The following NAV2 variants were observed in gnomAD, a reference collection of about 807,000 sequenced individuals.
NAV2 encodes neuron navigator 2.
NAV2 carries 54 observed loss-of-function variants against 223.2 expected under a neutral mutation model. The observed-to-expected ratio is 0.24, with a 90% CI of 0.19 to 0.30. The LOEUF (loss-of-function observed/expected upper bound fraction) is 0.30, where lower values mean the gene tolerates loss of function less well. Among genes scored for constraint, NAV2 ranks in the 10% least tolerant of loss-of-function variants. NAV2 has a pLI of 1.00. For missense variants in NAV2, 2,806 were observed against 3,147.5 expected, an observed-to-expected ratio of 0.89 and a Z score of 2.60; for synonymous variants, 1,279 against 1,239.3, an observed-to-expected ratio of 1.03 and a Z score of -0.67.
intron 1 of NAV2, among the ~76,000 whole-genome samples, chr11:19,703,354 G>A (rs1465322930): frequency 6.6e-6 from 1 of 152,202 alleles, no homozygotes; most frequent in African/African-American, 2.4e-5. Flanking sequence ...GGCTCACCAG[G>A]CTCCATGCCT....
intron 16 of NAV2, 105 bp downstream of exon 16, chr11:20,050,006 TTG>T: frequency 6.0e-6 from 6 of 991,896 alleles, no homozygotes; most frequent in South Asian, 5.3e-5. Context: ...AGCCACCTGC[TTG>T]TGTTTGTGGC....
At chr11:19,377,001 C>T (rs1254069110) in intron 1 of NAV2, among the ~76,000 whole-genome samples, 1 of 152,124 alleles carries the variant, frequency 6.6e-6, no homozygotes, top group Non-Finnish European at 1.5e-5. Flanking sequence ...AAAGGCATTC[C>T]CAGTGAAGGA....
chr11:19,607,508 C>T (rs1565037), intron 1 of NAV2, among the ~76,000 whole-genome samples: 117,537 of 152,172 alleles, frequency 0.77, 50,609 homozygotes, highest in Non-Finnish European at 0.96. Flanking sequence ...TAAATGTTGT[C>T]TGACTGCTAC....
intron 1 of NAV2, among the ~76,000 whole-genome samples, chr11:19,756,534 A>T (rs2054247643): frequency 6.6e-6 from 1 of 152,178 alleles, no homozygotes; most frequent in Non-Finnish European, 1.5e-5. Context: ...CAGGAATCTG[A>T]TTGGCTCCGT....
chr11:19,358,199 G>A (rs1371309791), intron 1 of NAV2, among the ~76,000 whole-genome samples: 1 of 152,190 alleles, frequency 6.6e-6, no homozygotes, highest in Non-Finnish European at 1.5e-5. Flanking sequence ...AGAGAAATGA[G>A]AGGAGATGCG....
chr11:19,447,900 C>T (rs891912300), intron 1 of NAV2, among the ~76,000 whole-genome samples: 3 of 152,156 alleles, frequency 2.0e-5, no homozygotes, highest in Non-Finnish European at 2.9e-5. Context: ...CCTCCATGCT[C>T]ACCCCCAGCT....
chr11:19,524,771 A>G (rs1197326624), intron 1 of NAV2, among the ~76,000 whole-genome samples: 1 of 152,148 alleles, frequency 6.6e-6, no homozygotes, highest in Non-Finnish European at 1.5e-5. Flanking sequence ...AATTTTCCTA[A>G]GCTCTAAGGA....
intron 11 of NAV2, among the ~76,000 whole-genome samples, chr11:19,991,145 G>T (rs2051290662): frequency 6.6e-6 from 1 of 152,086 alleles, no homozygotes; most frequent in Non-Finnish European, 1.5e-5. Context: ...TATTTTTTGA[G>T]ACAGTGTTTC....
At chr11:19,978,383 C>T (rs1390202465) in intron 10 of NAV2, among the ~76,000 whole-genome samples, 2 of 152,144 alleles carry the variant, frequency 1.3e-5, no homozygotes, top group African/African-American at 4.8e-5. Flanking sequence ...GATGACATTG[C>T]TCAACAACAA....
chr11:19,778,454 G>A, intron 1 of NAV2: 2 of 432,932 alleles, frequency 4.6e-6, no homozygotes, highest in South Asian at 1.6e-5. Flanking sequence ...TAATAAACTG[G>A]AATGCATACT....
chr11:19,351,044 T>G (rs933332267), intron 1 of NAV2: 11 of 1,535,432 alleles, frequency 7.2e-6, no homozygotes, highest in East Asian at 2.5e-5. Context: ...GGCAGAACTT[T>G]GTTGGTTGAT....
chr11:19,892,420 C>T lies in NAV2; in HGVS notation c.771-14C>T. 6.2e-7 allele frequency: 1 copy of T among 1,612,446 alleles called. No homozygotes were observed. The highest frequency in any genetic ancestry group is 8.5e-7 in the Non-Finnish European group (1 of 1,179,280). On this transcript the variant is annotated splice_polypyrimidine_tract_variant and intron_variant, in intron 5 of 37. Coordinates refer to ENST00000349880, the MANE Select transcript of NAV2 (RefSeq NM_145117.5). ...TGAGACTGAATGCATTATCCTGTTGCTTTTGCATTTTAGACTTCCAGGTCC... is the reference window on the plus strand; with the variant it reads ...TGAGACTGAATGCATTATCCTGTTGTTTTTGCATTTTAGACTTCCAGGTCC...
At chr11:19,412,469 G>C (rs1005327324) in intron 1 of NAV2, among the ~76,000 whole-genome samples, 9 of 152,304 alleles carry the variant, frequency 5.9e-5, no homozygotes, top group African/African-American at 2.2e-4. Flanking sequence ...CAGAGCACCT[G>C]GGGGAAGGGG....
In NAV2 at chr11:20,039,118, T is replaced by C. The variant is rs571488672; in HGVS notation, c.2907+3021T>C. On this transcript the variant is annotated intron_variant, in intron 12 of 37. Transcript: ENST00000349880. Reference sequence around the variant, plus strand: ...GCCCAAGAGCCTCTTGAGCAACTCCTCCAGGAGAGCTGGTGAGTCCGGTTG... The same window carrying C: ...GCCCAAGAGCCTCTTGAGCAACTCCCCCAGGAGAGCTGGTGAGTCCGGTTG... 2.6e-5 allele frequency among the ~76,000 whole-genome samples: 4 copies of C among 152,246 alleles called. No individual in the cohort carries two copies. In the East Asian group the frequency reaches 5.8e-4, roughly 22 times the overall value.
intron 8 of NAV2, among the ~76,000 whole-genome samples, chr11:19,942,932 G>A (rs2046520972): frequency 6.6e-6 from 1 of 152,186 alleles, no homozygotes; most frequent in Admixed American, 6.5e-5. Flanking sequence ...GCATTGAGCT[G>A]TGATCACAGC....
rs2050553701 is a variant in NAV2 at position 19,984,154 on chromosome 11, A to G, written c.2675A>G (p.Tyr892Cys). The change falls in exon 11 of 38, where the codon TAT becomes TGT. Residue 892 changes from tyrosine to cysteine, a missense_variant. By Grantham distance (194) the Tyr-to-Cys change is radical. Coordinates refer to ENST00000349880, the MANE Select transcript of NAV2 (RefSeq NM_145117.5). ...ATGACTGATGGTGGACTTGGCCTCT[A>G]TACCCGTCGCCTGAACCGGCTCCCT... is the stretch of plus-strand genomic sequence containing the variant. ...GYMTDGGLGL[Y>C]TRRLNRLPDG... The G allele has an allele frequency of 1.2e-6, 2 of 1,614,148 alleles. No homozygotes were observed. Among genetic ancestry groups the G allele is most frequent in the Non-Finnish European group, 1.7e-6 (2 of 1,180,022 alleles).
chr11:19,393,614 G>A (rs754408725), intron 1 of NAV2, among the ~76,000 whole-genome samples: 2 of 152,150 alleles, frequency 1.3e-5, no homozygotes, highest in Non-Finnish European at 2.9e-5. Context: ...TTTTAATTTT[G>A]CAACGGAAAT....
chr11:19,845,467 A>G (rs545199273), intron 3 of NAV2, among the ~76,000 whole-genome samples: 2 of 152,298 alleles, frequency 1.3e-5, no homozygotes, highest in South Asian at 2.1e-4. Context: ...AATAATCAGC[A>G]TAGAGTTAAT....
At chr11:19,549,296 A>G (rs778025155) in intron 1 of NAV2, among the ~76,000 whole-genome samples, 4 of 152,194 alleles carry the variant, frequency 2.6e-5, no homozygotes, top group Non-Finnish European at 4.4e-5. Context: ...GGGATGGTTA[A>G]AAAAGGTGAT....
Sources: gnomAD v4.1 joint callset for allele counts (sites outside exome capture counted in the v4.1 genomes callset) on GRCh38, gnomAD v4.1.1 for gene constraint, MANE v1.5 for transcripts, NCBI Gene and HGNC (gene_info 2026-07-23, HGNC 2026-07-21) for gene names.